PARD3: variants seen among roughly 807,000 people sequenced by gnomAD.
PARD3 encodes par-3 family cell polarity regulator.
In PARD3, 75 loss-of-function variants were observed where a neutral mutation model predicts 155.4. The observed-to-expected ratio is 0.48, with a 90% CI of 0.40 to 0.58. The LOEUF (loss-of-function observed/expected upper bound fraction) is 0.58, where lower values mean the gene tolerates loss of function less well. Among genes scored for constraint, PARD3 ranks in the 20% least tolerant of loss-of-function variants. The probability of loss-of-function intolerance (pLI) is 0.00; values close to 1 mark genes in which losing one functional copy is unlikely to be tolerated. For missense variants in PARD3, 1,642 were observed against 1,721.7 expected (o/e 0.95, Z 0.82); for synonymous variants, 576 against 610.5 (o/e 0.94, Z 0.83).
intron 7 of PARD3, among the ~76,000 whole-genome samples, chr10:34,388,039 T>C (rs1265965646): frequency 6.6e-6 from 1 of 152,148 alleles, no homozygotes; most frequent in African/African-American, 2.4e-5. Context: ...GTCATGAAAA[T>C]CTCAGATCTC....
intron 21 of PARD3, among the ~76,000 whole-genome samples, chr10:34,272,497 A>T (rs763364695): frequency 8.5e-5 from 13 of 152,174 alleles, no homozygotes; most frequent in Non-Finnish European, 1.6e-4. Flanking sequence ...TAGGAGGCTG[A>T]TGGGGGCGTG....
At chr10:34,258,299 C>T (rs192598694) in intron 22 of PARD3, among the ~76,000 whole-genome samples, 9 of 152,142 alleles carry the variant, frequency 5.9e-5, no homozygotes, top group East Asian at 3.9e-4. Flanking sequence ...GGTCAGGAGA[C>T]GACCATCAGT....
intron 2 of PARD3, among the ~76,000 whole-genome samples, chr10:34,625,244 T>C (rs958434358): frequency 1.3e-5 from 2 of 152,232 alleles, no homozygotes; most frequent in Non-Finnish European, 2.9e-5. Flanking sequence ...AGTTAAGACT[T>C]TACAGTTCTC....
chr10:34,639,322 G>A (rs1273836663), intron 2 of PARD3, among the ~76,000 whole-genome samples: 1 of 151,886 alleles, frequency 6.6e-6, no homozygotes, highest in Non-Finnish European at 1.5e-5. Context: ...CTTGAACACA[G>A]GAGGCAAAGG....
In PARD3 at chr10:34,309,176, G is replaced by A. The variant is rs190419392; in HGVS notation, c.3065+7931C>T. Among the ~76,000 whole-genome samples, 143 of 152,278 alleles carry A rather than the reference G, an allele frequency of 9.4e-4. 1 individual carries two copies. Among genetic ancestry groups the A allele is most frequent in the African/African-American group, 3.1e-3 (130 of 41,562 alleles). ...GTGGTGGGCAAGAGGACATGAGATC[G>A]TAGTTGGAGAGTAAGTAGGGCTAAG... On this transcript the variant is annotated intron_variant, in intron 20 of 24. Coordinates refer to ENST00000374788, the MANE Select transcript of PARD3 (RefSeq NM_001184785.2).
rs932037822 is a variant in PARD3, at chr10:34,242,344, G to C, written c.3419+27313C>G. ...TGTCCAAGGCAGCACTCCTATTTAA[G>C]GACAGTGGCCCCTCTAGCCTGCAGG... On this transcript the variant is annotated intron_variant, in intron 22 of 24. Transcript: ENST00000374788. Among the ~76,000 whole-genome samples the C allele has an allele frequency of 2.0e-5, 3 of 152,088 alleles. No homozygotes were observed. In the South Asian group the frequency reaches 6.2e-4, roughly 32 times the overall value.
intron 2 of PARD3, among the ~76,000 whole-genome samples, chr10:34,577,120 C>A (rs2086951506): frequency 6.6e-6 from 1 of 152,178 alleles, no homozygotes; most frequent in Non-Finnish European, 1.5e-5. Flanking sequence ...AGGAATGGTT[C>A]ATTACTGACT....
chr10:34,480,799 T>C (rs940246152), intron 3 of PARD3, among the ~76,000 whole-genome samples: 4 of 148,648 alleles, frequency 2.7e-5, no homozygotes, highest in Admixed American at 6.7e-5. Flanking sequence ...TTTTTCTTTT[T>C]TTTTTTTTTT....
chr10:34,141,143 C>G lies in PARD3; in HGVS notation c.3420-9560G>C, dbSNP rs182040152. ...TTTCTGTGGTTATGTACAAATCACC[C>G]TGAATTATAGAGAAAGTCTAAACTG... On this transcript the variant is annotated intron_variant, in intron 22 of 24. Coordinates refer to ENST00000374788, the MANE Select transcript of PARD3 (RefSeq NM_001184785.2). Among the ~76,000 whole-genome samples, 187 of 152,212 alleles carry G rather than the reference C, an allele frequency of 1.2e-3. 1 individual carries two copies. Among genetic ancestry groups the G allele is most frequent in the Middle Eastern group, 3.4e-3 (1 of 294 alleles).
chr10:34,308,989 A>G (rs1386598289), intron 20 of PARD3, among the ~76,000 whole-genome samples: 1 of 152,048 alleles, frequency 6.6e-6, no homozygotes, highest in Non-Finnish European at 1.5e-5. Context: ...CTGCCAGTGG[A>G]CCACGATGAG....
At position 34,239,304 on chromosome 10, in the gene PARD3, G is replaced by A. The variant is rs117224694; in HGVS notation, c.3419+30353C>T. On this transcript the variant is annotated intron_variant, in intron 22 of 24. Transcript: ENST00000374788. ...AACAGCTCTAGGCACGGTGGCCGAT[G>A]GAAGGGTGCTCACTGGCTTCTTTCT... Among the ~76,000 whole-genome samples the A allele has an allele frequency of 2.0e-4, 31 of 152,324 alleles. No homozygotes were observed. The East Asian group carries it at 5.8e-3, about 28-fold the overall frequency.
chr10:34,457,813 C>T (rs1589647975), intron 4 of PARD3, among the ~76,000 whole-genome samples: 2 of 152,230 alleles, frequency 1.3e-5, no homozygotes, highest in African/African-American at 4.8e-5. Flanking sequence ...ATTGCCGAGG[C>T]TGGTCTTAAA....
intron 2 of PARD3, among the ~76,000 whole-genome samples, chr10:34,605,179 A>AT (rs1564404102): frequency 2.5e-4 from 29 of 114,188 alleles, no homozygotes; most frequent in South Asian, 7.8e-4. Flanking sequence ...CCCAAAATGA[A>AT]ATTTTTTTTT....
chr10:34,180,931 A>G (rs887204919), intron 22 of PARD3, among the ~76,000 whole-genome samples: 1 of 152,084 alleles, frequency 6.6e-6, no homozygotes, highest in East Asian at 1.9e-4. Context: ...GCAACACCCA[A>G]TGCGCTTGTG....
chr10:34,307,678 A>G (rs1218283073), intron 20 of PARD3, among the ~76,000 whole-genome samples: 1 of 152,170 alleles, frequency 6.6e-6, no homozygotes, highest in African/African-American at 2.4e-5. Flanking sequence ...ATGGAAACAC[A>G]GAGCTGCCTT....
intron 2 of PARD3, among the ~76,000 whole-genome samples, chr10:34,639,378 T>C (rs1590352894): frequency 1.4e-5 from 2 of 148,094 alleles, no homozygotes; most frequent in Middle Eastern, 3.5e-3. Flanking sequence ...AAAATAAAAA[T>C]AAAAGTAAAA....
intron 1 of PARD3, among the ~76,000 whole-genome samples, chr10:34,798,722 AC>A (rs1171012170): frequency 2.2e-5 from 3 of 135,362 alleles, no homozygotes; most frequent in Non-Finnish European, 3.2e-5. Flanking sequence ...AAAAAAAAAA[AC>A]CCACACATAC....
chr10:34,807,746 TA>T (rs1843585444), intron 1 of PARD3, among the ~76,000 whole-genome samples: 1 of 152,116 alleles, frequency 6.6e-6, no homozygotes, highest in Non-Finnish European at 1.5e-5. Flanking sequence ...AGAGACTATA[TA>T]CAAAATATAC....
intron 22 of PARD3, among the ~76,000 whole-genome samples, chr10:34,262,653 G>C (rs568550019): frequency 1.3e-3 from 200 of 152,316 alleles, no homozygotes; most frequent in Non-Finnish European, 2.3e-3. Flanking sequence ...TTTTAGACAA[G>C]GTTTGAGACG....
Sources: allele counts gnomAD v4.1 joint callset (sites outside exome capture counted in the v4.1 genomes callset), GRCh38; gene constraint gnomAD v4.1.1; transcripts MANE v1.5; gene names NCBI Gene and HGNC (gene_info 2026-07-23, HGNC 2026-07-21).